The following NT5E variants were observed in gnomAD, a reference collection of about 807,000 sequenced individuals.
The protein encoded by NT5E is 5'-nucleotidase.
NT5E carries 53 observed loss-of-function variants against 55.1 expected under a neutral mutation model. The ratio of observed to expected loss-of-function variants is 0.96; its 90% confidence interval spans 0.77 to 1.21. The LOEUF (loss-of-function observed/expected upper bound fraction) is 1.21, where lower values mean the gene tolerates loss of function less well. Among genes scored for constraint, NT5E ranks in the 50% most tolerant of loss-of-function variants. The probability of loss-of-function intolerance (pLI) is 0.00; values close to 1 mark genes in which losing one functional copy is unlikely to be tolerated. For synonymous variants in NT5E, 270 were observed against 278.4 expected, an observed-to-expected ratio of 0.97 and a Z score of 0.30; for missense variants, 683 against 724.3, an observed-to-expected ratio of 0.94 and a Z score of 0.65.
chr6:85,475,402 A>G (rs1165991936), intron 3 of NT5E, among the ~76,000 whole-genome samples: 1 of 152,226 alleles, frequency 6.6e-6, no homozygotes, highest in African/African-American at 2.4e-5. Context: ...AAGTTATTCC[A>G]GTTTCTTTCC....
intron 3 of NT5E, 107 bp from the exon 4 acceptor site, chr6:85,485,128 C>A: frequency 9.4e-7 from 1 of 1,067,788 alleles, no homozygotes. Context: ...CAACAGATGG[C>A]AAATCATCAA....
chr6:85,478,476 C>T (rs1369834650), intron 3 of NT5E, among the ~76,000 whole-genome samples: 1 of 152,092 alleles, frequency 6.6e-6, no homozygotes, highest in African/African-American at 2.4e-5. Flanking sequence ...TCTCATTTCT[C>T]CAGCTTTCAC....
chr6:85,478,043 A>AAT (rs1554200839), intron 3 of NT5E, among the ~76,000 whole-genome samples: 4 of 151,370 alleles, frequency 2.6e-5, no homozygotes, highest in African/African-American at 4.9e-5. Flanking sequence ...AAAAAAAAAA[A>AAT]GGATTTTGCT....
intron 3 of NT5E, among the ~76,000 whole-genome samples, chr6:85,474,562 T>C (rs548588063): frequency 6.6e-6 from 1 of 152,352 alleles, no homozygotes; most frequent in East Asian, 1.9e-4. Context: ...ATTTCATGAT[T>C]GCTTACCAAG....
At chr6:85,491,876 A>C in intron 7 of NT5E, 101 bp from the exon 8 acceptor site, 65 of 1,032,208 alleles carry the variant, frequency 6.3e-5, no homozygotes, top group Non-Finnish European at 8.1e-5. Flanking sequence ...CCAAAGGAAA[A>C]ACCACAGCCC....
rs919135744 is a variant in NT5E, at chr6:85,494,365, T to C, written c.*361T>C. ...TAAAATTTTATCATTCACAAGGAAG[T>C]TTTAAGCACACTGTCTCATTTGATA... On this transcript the variant is annotated 3_prime_UTR_variant, in exon 9 of 9. Coordinates refer to ENST00000257770, the MANE Select transcript of NT5E (RefSeq NM_002526.4). 4.4e-6 allele frequency: 1 copy of C among 225,898 alleles called. No homozygotes were observed. The highest frequency in any genetic ancestry group is 8.9e-6 in the Non-Finnish European group (1 of 112,950). 14.0% of individuals were successfully genotyped at this position (225,898 alleles called of 1,614,324 possible).
chr6:85,491,787 A>G (rs1409135251), intron 7 of NT5E, among the ~76,000 whole-genome samples, 190 bp from the exon 8 acceptor site: 1 of 152,208 alleles, frequency 6.6e-6, no homozygotes, highest in Non-Finnish European at 1.5e-5. Context: ...AGTGGTTCTC[A>G]TATGTCCTGT....
At chr6:85,484,845 G>A (rs369257326) in intron 3 of NT5E, among the ~76,000 whole-genome samples, 9 of 152,172 alleles carry the variant, frequency 5.9e-5, no homozygotes, top group Non-Finnish European at 1.0e-4. Context: ...AATGGATTTC[G>A]CCCACCTTAT....
rs544434827 is a variant in NT5E at position 85,473,378 on chromosome 6, T to G, written c.751+1953T>G. 3.3e-5 allele frequency among the ~76,000 whole-genome samples: 5 copies of G among 152,346 alleles called. No individual in the cohort carries two copies. The South Asian group carries it at 1.0e-3, about 32-fold the overall frequency. ...TTAGCACAGGGCCTAGTATGTTAGC[T>G]GTTCTTATTTTAGTTATGTGCTGGC... On this transcript the variant is annotated intron_variant, in intron 3 of 8. Coordinates refer to ENST00000257770, the MANE Select transcript of NT5E (RefSeq NM_002526.4).
chr6:85,467,768 T>A (rs1769223698), intron 2 of NT5E, among the ~76,000 whole-genome samples: 2 of 152,136 alleles, frequency 1.3e-5, no homozygotes. Flanking sequence ...TGTATCTGAC[T>A]TTCTGGGAAA....
At position 85,492,011 on chromosome 6, in the gene NT5E, T is replaced by G. The variant is rs778856825; in HGVS notation, c.1395T>G (p.Pro465=). The part of the protein sequence containing the change: ...IHVVYDLSRK[P]GDRVVKLDVL... ...TGGTGTATGATCTTTCCCGAAAACCTGGAGACAGAGTAGTCAAATTAGATG... is the reference window on the plus strand; with the variant it reads ...TGGTGTATGATCTTTCCCGAAAACCGGGAGACAGAGTAGTCAAATTAGATG... Residue 465 remains proline, a synonymous_variant, in exon 8 of 9, where the codon CCT becomes CCG. Transcript: ENST00000257770. 5 of 1,614,190 alleles carry G rather than the reference T, an allele frequency of 3.1e-6. No individual in the cohort carries two copies. The highest frequency in any genetic ancestry group is 4.2e-6 in the Non-Finnish European group (5 of 1,180,008).
chr6:85,490,973 A>T (rs202001665), intron 7 of NT5E: 1 of 499,860 alleles, frequency 2.0e-6, no homozygotes, highest in Non-Finnish European at 3.9e-6. Flanking sequence ...TTAAGCATTC[A>T]ATTATTTTTT....
At chr6:85,482,825 G>C (rs957525315) in intron 3 of NT5E, among the ~76,000 whole-genome samples, 3 of 152,198 alleles carry the variant, frequency 2.0e-5, no homozygotes, top group African/African-American at 7.2e-5. Context: ...TGAAGCCCTG[G>C]ACTGGTTTCT....
chr6:85,476,180 C>T (rs772869602), intron 3 of NT5E, among the ~76,000 whole-genome samples: 3 of 152,188 alleles, frequency 2.0e-5, no homozygotes, highest in Non-Finnish European at 4.4e-5. Flanking sequence ...TTCAGAGTCC[C>T]TTGATCTCCT....
intron 1 of NT5E, among the ~76,000 whole-genome samples, chr6:85,452,314 G>A (rs537914536): frequency 6.6e-6 from 1 of 152,244 alleles, no homozygotes; most frequent in East Asian, 1.9e-4. Context: ...GGAAAAATAA[G>A]AATGAAGAAT....
intron 3 of NT5E, among the ~76,000 whole-genome samples, chr6:85,473,646 A>G (rs1769368267): frequency 6.6e-6 from 1 of 152,178 alleles, no homozygotes; most frequent in African/African-American, 2.4e-5. Context: ...TGTATGTGCA[A>G]ACACATACAA....
At position 85,450,090 on chromosome 6, in the gene NT5E, G is replaced by T; in HGVS notation, c.-50G>T. On this transcript the variant is annotated 5_prime_UTR_variant, in exon 1 of 9. Coordinates refer to ENST00000257770, the MANE Select transcript of NT5E (RefSeq NM_002526.4). This position sits in a 1 kb window ranked among gnomAD's most constrained non-coding sequence, Gnocchi z 4.0. ...CCCTAGCTGCTCGCCCCTACTCGCCGGCACTCGCCCGGCTCGCCCGCTTTC... is the reference window on the plus strand; with the variant it reads ...CCCTAGCTGCTCGCCCCTACTCGCCTGCACTCGCCCGGCTCGCCCGCTTTC... 1 of 1,466,338 alleles carries T rather than the reference G, an allele frequency of 6.8e-7. No homozygotes were observed. The highest frequency in any genetic ancestry group is 9.2e-7 in the Non-Finnish European group (1 of 1,086,418). The allele number at this position is 1,466,338 out of a possible 1,614,324, so 90.8% of individuals were successfully genotyped here.
chr6:85,465,153 G>GAGAGGT (rs1769166315), intron 1 of NT5E, among the ~76,000 whole-genome samples: 1 of 152,200 alleles, frequency 6.6e-6, no homozygotes, highest in South Asian at 2.1e-4. Flanking sequence ...CATGGGGCAA[G>GAGAGGT]AGAGGTGAAA....
chr6:85,490,765 AT>A, intron 7 of NT5E, 108 bp downstream of exon 7: 1 of 1,274,432 alleles, frequency 7.8e-7, no homozygotes, highest in Non-Finnish European at 1.1e-6. Flanking sequence ...ACTGGTTTGG[AT>A]TTTTCCCGAC....
Sources: allele counts gnomAD v4.1 joint callset (sites outside exome capture counted in the v4.1 genomes callset), GRCh38; gene constraint gnomAD v4.1.1; non-coding constraint Gnocchi (gnomAD v3.1); transcripts MANE v1.5; gene names NCBI Gene and HGNC (gene_info 2026-07-23, HGNC 2026-07-21).